Variants in DCUN1D1 observed in about 807,000 individuals in gnomAD.
DCUN1D1 encodes the protein defective in cullin neddylation 1 domain containing 1.
A neutral mutation model predicts 39.0 loss-of-function variants in DCUN1D1; 3 were observed. The observed-to-expected ratio is 0.08, with a 90% CI of 0.04 to 0.20. The LOEUF (loss-of-function observed/expected upper bound fraction) is 0.20. Among genes scored for constraint, DCUN1D1 ranks in the 10% least tolerant of loss-of-function variants. The pLI, the probability that DCUN1D1 is intolerant of heterozygous loss-of-function variation, is 1.00. For synonymous variants in DCUN1D1, 82 were observed against 96.3 expected (o/e 0.85, Z 0.87); for missense variants, 158 against 302.4 (o/e 0.52, Z 3.54).
intron 1 of DCUN1D1, among the ~76,000 whole-genome samples, chr3:182,979,902 G>A (rs1728439966): frequency 6.6e-6 from 1 of 152,176 alleles, no homozygotes; most frequent in South Asian, 2.1e-4. Flanking sequence ...GCCTCGAGAG[G>A]TGATGGAGAA....
At chr3:182,971,923 T>G (rs938975004) in intron 1 of DCUN1D1, among the ~76,000 whole-genome samples, 7 of 152,178 alleles carry the variant, frequency 4.6e-5, no homozygotes, top group Non-Finnish European at 8.8e-5. Context: ...GAGCAATATT[T>G]CTTCACCTAT....
intron 1 of DCUN1D1, among the ~76,000 whole-genome samples, chr3:182,972,645 G>T (rs528546722): frequency 1.3e-5 from 2 of 152,202 alleles, no homozygotes; most frequent in Admixed American, 1.3e-4. Flanking sequence ...GGAGACTGAG[G>T]CAGGAGGGTC....
At chr3:182,968,359 T>C (rs566435858) in intron 1 of DCUN1D1, among the ~76,000 whole-genome samples, 1 of 152,334 alleles carries the variant, frequency 6.6e-6, no homozygotes, top group African/African-American at 2.4e-5. Flanking sequence ...GCAGGGTCAA[T>C]CACCTTTGTT....
intron 1 of DCUN1D1, among the ~76,000 whole-genome samples, chr3:182,972,050 G>GA (rs1727965662): frequency 1.8e-5 from 2 of 108,876 alleles, no homozygotes; most frequent in Non-Finnish European, 3.8e-5. Flanking sequence ...TCTATTTAGG[G>GA]TTTTTTTTTT....
At chr3:182,965,479 C>T in intron 2 of DCUN1D1, 58 bp downstream of exon 2, 1 of 1,115,246 alleles carries the variant, frequency 9.0e-7, no homozygotes, top group Non-Finnish European at 1.3e-6. Flanking sequence ...TTCTCATAAG[C>T]CCATCTCTTT....
At chr3:182,973,433 G>A (rs1301940427) in intron 1 of DCUN1D1, among the ~76,000 whole-genome samples, 1 of 152,202 alleles carries the variant, frequency 6.6e-6, no homozygotes, top group Non-Finnish European at 1.5e-5. Context: ...GGGTATTACT[G>A]TACTACTAAG....
At chr3:182,972,812 G>A (rs1035799299) in intron 1 of DCUN1D1, among the ~76,000 whole-genome samples, 1 of 152,292 alleles carries the variant, frequency 6.6e-6, no homozygotes, top group East Asian at 1.9e-4. Context: ...AGGCCAAGAG[G>A]GGGGCGGATC....
At chr3:182,962,589 A>C (rs1300163435) in intron 3 of DCUN1D1, among the ~76,000 whole-genome samples, 1 of 152,042 alleles carries the variant, frequency 6.6e-6, no homozygotes, top group African/African-American at 2.4e-5. Context: ...CCAGATCTGA[A>C]TCTCAGCCTT....
At chr3:182,969,073 T>A (rs890906417) in intron 1 of DCUN1D1, among the ~76,000 whole-genome samples, 7 of 152,168 alleles carry the variant, frequency 4.6e-5, no homozygotes, top group African/African-American at 1.7e-4. Context: ...ATATTGACAA[T>A]CCCATTCCTA....
At chr3:182,985,607 C>T (rs2108416849) in exon 2 of DCUN1D1, 1 of 152,222 alleles carries the variant, frequency 6.6e-6, no homozygotes, top group African/African-American at 2.4e-5. Context: ...TCAGCCTGGG[C>T]AACAAGAGCG....
chr3:182,943,236 CATAT>C lies in DCUN1D1; in HGVS notation c.*1854_*1857del, dbSNP rs972968089. 4 of 144,904 alleles carry C rather than the reference CATAT, an allele frequency of 2.8e-5. No individual in the cohort carries two copies. Among genetic ancestry groups the C allele is most frequent in the African/African-American group, 7.6e-5 (3 of 39,484 alleles). 9.0% of individuals were successfully genotyped at this position (144,904 alleles called of 1,614,324 possible). ...CTTCAAGACAGGAAACAAAACAGTACATATATATAGATATATAGATATATATATC... is the reference window on the plus strand; with the variant it reads ...CTTCAAGACAGGAAACAAAACAGTACATATAGATATATAGATATATATATC... On this transcript the variant is annotated 3_prime_UTR_variant, in exon 7 of 7. Coordinates refer to ENST00000292782, the MANE Select transcript of DCUN1D1 (RefSeq NM_020640.4).
rs1725993589 is a variant in DCUN1D1, at chr3:182,938,581, T to C, written c.*6513A>G. On this transcript the variant is annotated 3_prime_UTR_variant, in exon 7 of 7. Coordinates refer to ENST00000292782, the MANE Select transcript of DCUN1D1 (RefSeq NM_020640.4). Reference sequence around the variant, plus strand: ...TGAATGGCATTTAGATAAATCAAGATTGGCCATGGATTGATCATGTTAACA... The same window carrying C: ...TGAATGGCATTTAGATAAATCAAGACTGGCCATGGATTGATCATGTTAACA... 1 of 152,182 alleles carries C rather than the reference T, an allele frequency of 6.6e-6. No individual in the cohort carries two copies. Among genetic ancestry groups the C allele is most frequent in the African/African-American group, 2.4e-5 (1 of 41,450 alleles). The allele number at this position is 152,182 out of a possible 1,614,324, so 9.4% of individuals were successfully genotyped here. A position where few individuals can be genotyped will look rare whatever the true frequency, so the allele number is the denominator to read the frequency against.
rs202126248 is a variant in DCUN1D1, at chr3:182,961,348, C to T, written c.398G>A (p.Ser133Asn). 64 of 1,594,600 alleles carry T rather than the reference C, an allele frequency of 4.0e-5. No homozygotes were observed. The highest frequency in any genetic ancestry group is 5.3e-5 in the Non-Finnish European group (62 of 1,173,402). The stretch of plus-strand genomic sequence containing the variant: ...TATCTGGGCCTTTAGTTTTTCTATG[C>T]TGTCACATCTGCGTCGTAAAATTAA... The part of the protein sequence containing the change: ...MDGMTELGCD[S>N]IEKLKAQIPK... The change falls in exon 4 of 7, where the codon AGC (serine) becomes AAC (asparagine). Residue 133 changes from serine (S) to asparagine (N), a missense_variant. By Grantham distance (46) the Ser-to-Asn change is conservative (BLOSUM62 1). Coordinates refer to ENST00000292782, the MANE Select transcript of DCUN1D1 (RefSeq NM_020640.4).
In DCUN1D1 at chr3:182,952,722, T is replaced by C. The variant is rs555664252; in HGVS notation, c.521-5090A>G. ...GTTCCCCAGATGTCTCCTGAAAGTGTTGATAATCCCTGAGAAAGGCTCCTT... is the reference window on the plus strand; with the variant it reads ...GTTCCCCAGATGTCTCCTGAAAGTGCTGATAATCCCTGAGAAAGGCTCCTT... On this transcript the variant is annotated intron_variant, in intron 4 of 6. Coordinates refer to ENST00000292782, the MANE Select transcript of DCUN1D1 (RefSeq NM_020640.4). Among the ~76,000 whole-genome samples the C allele has an allele frequency of 5.3e-5, 8 of 152,310 alleles. No individual in the cohort carries two copies. The South Asian group carries it at 1.5e-3, about 28-fold the overall frequency.
chr3:182,980,325 G>A (rs1728474239), intron 1 of DCUN1D1, among the ~76,000 whole-genome samples, 162 bp downstream of exon 1: 1 of 151,744 alleles, frequency 6.6e-6, no homozygotes, highest in African/African-American at 2.4e-5. Flanking sequence ...AAGGAGGAAG[G>A]GAGAGGCAGG....
chr3:182,947,725 G>C lies in DCUN1D1; in HGVS notation c.521-93C>G, dbSNP rs1726490276. ...AAACAAAAAAACAGGTATGACCAAA[G>C]AAAGTCTAAAAATAAAAAACTTGTA... On this transcript the variant is annotated intron_variant, in intron 4 of 6. Coordinates refer to ENST00000292782, the MANE Select transcript of DCUN1D1 (RefSeq NM_020640.4). 2.8e-5 allele frequency: 21 copies of C among 741,378 alleles called. No individual in the cohort carries two copies. The South Asian group carries it at 3.8e-4, about 14-fold the overall frequency. 45.9% of individuals were successfully genotyped at this position (741,378 alleles called of 1,614,324 possible).
At chr3:182,982,581 C>T (rs908626893), upstream of DCUN1D1, among the ~76,000 whole-genome samples, 2 of 152,172 alleles carry the variant, frequency 1.3e-5, no homozygotes, top group African/African-American at 2.4e-5. Context: ...GTTTTCCCTC[C>T]TAAATGACTT....
chr3:182,966,158 T>A (rs1170221461), intron 1 of DCUN1D1, among the ~76,000 whole-genome samples: 5 of 151,996 alleles, frequency 3.3e-5, no homozygotes, highest in African/African-American at 1.2e-4. Flanking sequence ...GAAGATGACA[T>A]GATCTGCCCA....
chr3:182,981,877 T>G (rs1301622781), upstream of DCUN1D1, among the ~76,000 whole-genome samples: 2 of 152,254 alleles, frequency 1.3e-5, no homozygotes, highest in East Asian at 1.9e-4. Context: ...ATTTAAAGAA[T>G]GCATGTGAAT....
Sources: gnomAD v4.1 joint callset for allele counts (sites outside exome capture counted in the v4.1 genomes callset) on GRCh38, gnomAD v4.1.1 for gene constraint, MANE v1.5 for transcripts, NCBI Gene and HGNC (gene_info 2026-07-23, HGNC 2026-07-21) for gene names.